Variants in TOP1MT observed in about 807,000 individuals in gnomAD.
TOP1MT encodes the protein DNA topoisomerase I mitochondrial, also known as DNA topoisomerase I, mitochondrial.
A neutral mutation model predicts 73.9 loss-of-function variants in TOP1MT; 80 were observed. The observed-to-expected ratio is 1.08, with a 90% confidence interval of 0.90 to 1.30. TOP1MT has a LOEUF of 1.30. Ranked by LOEUF, TOP1MT falls within the 50% of genes most tolerant of loss-of-function variation. TOP1MT has a pLI of 0.00. For synonymous variants in TOP1MT, 338 were observed against 326.4 expected (o/e 1.04, Z -0.38); for missense variants, 815 against 808.0 (o/e 1.01, Z -0.10).
At chr8:143,315,621 C>T (rs1197317629) in intron 12 of TOP1MT, 106 bp downstream of exon 12, 21 of 743,036 alleles carry the variant, frequency 2.8e-5, no homozygotes, top group South Asian at 3.5e-5. Context: ...CTCTCGTCTC[C>T]GCACAAGGAG....
intron 13 of TOP1MT, 162 bp downstream of exon 13, chr8:143,309,906 A>C: frequency 6.3e-7 from 1 of 1,580,822 alleles, no homozygotes; most frequent in Non-Finnish European, 8.5e-7. Flanking sequence ...GGGAGAGCTG[A>C]TGACACAGGA....
intron 1 of TOP1MT, among the ~76,000 whole-genome samples, chr8:143,332,331 A>G (rs1447818867): frequency 6.6e-6 from 1 of 152,202 alleles, no homozygotes; most frequent in Non-Finnish European, 1.5e-5. Context: ...GGGAAGAGCA[A>G]GTCCAGCACC....
chr8:143,313,489 G>A (rs1057028399), intron 12 of TOP1MT, among the ~76,000 whole-genome samples: 1 of 148,896 alleles, frequency 6.7e-6, no homozygotes, highest in African/African-American at 2.5e-5. Context: ...GGCAGAGGTT[G>A]CAGTAAGCCA....
upstream of TOP1MT, among the ~76,000 whole-genome samples, chr8:143,337,262 T>C (rs2467944): frequency 0.23 from 34,989 of 151,932 alleles, 7,710 homozygotes; most frequent in African/African-American, 0.58. Context: ...AAAATTAGCC[T>C]GGCATGATAG....
At chr8:143,359,454 C>A, upstream of TOP1MT, 1 of 985,176 alleles carries the variant, frequency 1.0e-6, no homozygotes, top group Non-Finnish European at 1.2e-6. Flanking sequence ...CGTTTCCAGA[C>A]CCTTTTCCTA....
chr8:143,340,001 A>C (rs1230636179), intron 2 of TOP1MT, among the ~76,000 whole-genome samples: 8 of 6,268 alleles, frequency 1.3e-3, no homozygotes, highest in East Asian at 4.0e-3. Context: ...GCATTCCCCC[A>C]CTCCCAGCAC....
At chr8:143,322,576 ACACATG>A (rs1320083296) in intron 7 of TOP1MT, among the ~76,000 whole-genome samples, 44 of 132,680 alleles carry the variant, frequency 3.3e-4, no homozygotes, top group South Asian at 1.3e-3. Context: ...GACACGCCAC[ACACATG>A]CACGCCACAC....
intron 2 of TOP1MT, among the ~76,000 whole-genome samples, chr8:143,342,533 C>T (rs1295684314): frequency 3.4e-5 from 4 of 118,404 alleles, no homozygotes; most frequent in East Asian, 2.6e-4. Context: ...GACAGAGTCT[C>T]GCTCTGTTAT....
chr8:143,351,522 G>A (rs1220384551), intron 1 of TOP1MT, among the ~76,000 whole-genome samples: 1 of 151,578 alleles, frequency 6.6e-6, no homozygotes, highest in African/African-American at 2.4e-5. Context: ...GGAGCTTGTG[G>A]TGAGCCAAGA....
At chr8:143,359,230 C>T (rs1817462806), upstream of TOP1MT, 1 of 984,314 alleles carries the variant, frequency 1.0e-6, no homozygotes, top group South Asian at 4.7e-5. Context: ...GCTTTAGATG[C>T]GCCAGACCAA....
In TOP1MT at chr8:143,351,166, C is replaced by CCA. The variant is rs1817313855; in HGVS notation, c.-39+4797_-39+4798dup. ...AACTCTGCTTCTTGGCTGTACATCC[C>CCA]CACATCTTTGTTGTATTTGGAGTTG... On this transcript the variant is annotated intron_variant, in intron 1 of 5. Coordinates refer to the TOP1MT transcript ENST00000518760. Among the ~76,000 whole-genome samples the CCA allele has an allele frequency of 1.3e-5, 2 of 152,186 alleles. 1 individual carries two copies. The highest frequency in any genetic ancestry group is 4.1e-4 in the South Asian group (2 of 4,830).
chr8:143,315,991 G>A lies in TOP1MT; in HGVS notation c.1458+8C>T, dbSNP rs916711208. 5 of 1,614,038 alleles carry A rather than the reference G, an allele frequency of 3.1e-6. No individual in the cohort carries two copies. The highest frequency in any genetic ancestry group is 4.2e-6 in the Non-Finnish European group (5 of 1,180,004). On this transcript the variant is annotated splice_region_variant and intron_variant, in intron 11 of 13. Coordinates refer to ENST00000329245, the MANE Select transcript of TOP1MT (RefSeq NM_052963.3). ...GGCTGGGCTGGGGGCTCTCCTGGGA[G>A]CTGCTACCTTCGTCTGGAGATTCTG...
chr8:143,342,808 A>G (rs1215705819), intron 2 of TOP1MT, among the ~76,000 whole-genome samples: 4 of 150,324 alleles, frequency 2.7e-5, no homozygotes, highest in South Asian at 4.2e-4. Flanking sequence ...TATTAGAGAC[A>G]GAGTCTCGCT....
At chr8:143,332,680 G>A (rs577617143) in intron 1 of TOP1MT, 3 of 744,610 alleles carry the variant, frequency 4.0e-6, no homozygotes, top group Middle Eastern at 2.8e-4. Context: ...GAATGGGCAA[G>A]GTTAGAAGAC....
chr8:143,323,984 G>A lies in TOP1MT; in HGVS notation c.960+15C>T, dbSNP rs368070146. 3.5e-5 allele frequency: 57 copies of A among 1,611,406 alleles called. No individual in the cohort carries two copies. The African/African-American group carries it at 4.7e-4, about 13-fold the overall frequency. Reference sequence around the variant, plus strand: ...CCAGGATGAAGAGCCGCCAGGAAGCGAGAAGGCCGCATACCTTATCGATGA... The same window carrying A: ...CCAGGATGAAGAGCCGCCAGGAAGCAAGAAGGCCGCATACCTTATCGATGA... On this transcript the variant is annotated intron_variant, in intron 7 of 13. Transcript: ENST00000329245.
chr8:143,323,295 C>T (rs375361439), intron 7 of TOP1MT, among the ~76,000 whole-genome samples: 6 of 125,546 alleles, frequency 4.8e-5, no homozygotes, highest in South Asian at 5.2e-4. Context: ...CACACACGCA[C>T]GCCACACACA....
chr8:143,337,849 C>T (rs556093701), upstream of TOP1MT, among the ~76,000 whole-genome samples: 2 of 152,332 alleles, frequency 1.3e-5, no homozygotes, highest in South Asian at 4.1e-4. Context: ...CGGACCTAAT[C>T]GCTTCTGTTA....
chr8:143,334,950 C>A (rs1183071109), upstream of TOP1MT: 1 of 1,203,564 alleles, frequency 8.3e-7, no homozygotes, highest in Non-Finnish European at 1.0e-6. Context: ...CGCCCCCGAG[C>A]GCGGCCTCCG....
At chr8:143,323,100 C>T (rs1424770405) in intron 7 of TOP1MT, among the ~76,000 whole-genome samples, 3 of 142,628 alleles carry the variant, frequency 2.1e-5, no homozygotes, top group African/African-American at 8.2e-5. Flanking sequence ...GCATGCCAAA[C>T]ACGCACGCCA....
Sources: gnomAD v4.1 joint callset for allele counts (sites outside exome capture counted in the v4.1 genomes callset) on GRCh38, gnomAD v4.1.1 for gene constraint, MANE v1.5 for transcripts, NCBI Gene and HGNC (gene_info 2026-07-23, HGNC 2026-07-21) for gene names.